TBC1D9: variants seen among roughly 807,000 people sequenced by gnomAD.
TBC1D9 encodes the protein TBC1 domain family member 9A.
Under a neutral mutation model 132.0 loss-of-function variants are expected in TBC1D9, and 63 were observed. That is an observed-to-expected ratio of 0.48 (90% CI 0.39 to 0.59). The LOEUF is 0.59. TBC1D9 is among the 20% of genes least tolerant of loss of function. The probability of loss-of-function intolerance (pLI) is 0.00; values close to 1 mark genes in which losing one functional copy is unlikely to be tolerated. For missense variants in TBC1D9, 1,261 were observed against 1,592.7 expected (o/e 0.79, Z 3.54); for synonymous variants, 610 against 609.9 (o/e 1.00, Z 0.00).
intron 2 of TBC1D9, among the ~76,000 whole-genome samples, chr4:140,692,570 G>C (rs1177942464): frequency 1.3e-5 from 2 of 151,938 alleles, no homozygotes; most frequent in Non-Finnish European, 2.9e-5. Flanking sequence ...AAAATAACAT[G>C]GTGATTTGAA....
At chr4:140,631,279 G>C (rs1736791349) in intron 16 of TBC1D9, among the ~76,000 whole-genome samples, 1 of 152,202 alleles carries the variant, frequency 6.6e-6, no homozygotes, top group African/African-American at 2.4e-5. Flanking sequence ...CTGGAGTGCA[G>C]TGGCACGATC....
chr4:140,702,323 G>T (rs974010892), intron 1 of TBC1D9, among the ~76,000 whole-genome samples: 3 of 152,186 alleles, frequency 2.0e-5, no homozygotes, highest in Admixed American at 2.0e-4. Context: ...TTCAGCAAAA[G>T]AATTTAGCAA....
intron 6 of TBC1D9, among the ~76,000 whole-genome samples, chr4:140,673,957 T>C (rs1737583597): frequency 6.6e-6 from 1 of 152,174 alleles, no homozygotes; most frequent in Non-Finnish European, 1.5e-5. Context: ...GATAGCGGCT[T>C]CCAGACCCTC....
chr4:140,706,137 G>T lies in TBC1D9; in HGVS notation c.131-4523C>A, dbSNP rs1738146989. Among the ~76,000 whole-genome samples the T allele has an allele frequency of 6.6e-6, 1 of 152,198 alleles. No individual in the cohort carries two copies. The highest frequency in any genetic ancestry group is 2.4e-5 in the African/African-American group (1 of 41,454). Reference sequence around the variant, plus strand: ...AGAAACCCCCGTCAGCCCTCTGCAGGCCGGGCTATGTCAGGAGTGTGCTGC... The same window carrying T: ...AGAAACCCCCGTCAGCCCTCTGCAGTCCGGGCTATGTCAGGAGTGTGCTGC... On this transcript the variant is annotated intron_variant, in intron 1 of 20. Coordinates refer to ENST00000442267, the MANE Select transcript of TBC1D9 (RefSeq NM_015130.3). The surrounding 1 kb of genome is among the most constrained non-coding windows in gnomAD (Gnocchi z 4.0).
In TBC1D9 at chr4:140,622,855, C is replaced by A; in HGVS notation, c.3141G>T (p.Gln1047His). ...CTGCTGCCGTGGCGTGGTACAGCTCCTGCTCATTGGGGTCTTCGCTGAACA... is the reference window on the plus strand; with the variant it reads ...CTGCTGCCGTGGCGTGGTACAGCTCATGCTCATTGGGGTCTTCGCTGAACA... ...YNMFSEDPNEQELYHATAAVT... is the reference protein window; with the variant it reads ...YNMFSEDPNEHELYHATAAVT... The change falls in exon 21 of 21, where the codon CAG (glutamine) becomes CAT (histidine). Residue 1047 changes from glutamine (Q) to histidine (H), a missense_variant. Transcript: ENST00000442267. 6.3e-7 allele frequency: 1 copy of A among 1,592,034 alleles called. No individual in the cohort carries two copies.
At chr4:140,678,916 G>A in intron 5 of TBC1D9, 26 bp downstream of exon 5, 1 of 1,607,474 alleles carries the variant, frequency 6.2e-7, no homozygotes, top group Non-Finnish European at 8.5e-7. Flanking sequence ...CTAAAGTCTG[G>A]AAGATACAAG....
chr4:140,647,974 C>T (rs140755903), intron 13 of TBC1D9, among the ~76,000 whole-genome samples: 2 of 152,202 alleles, frequency 1.3e-5, no homozygotes, highest in African/African-American at 4.8e-5. Flanking sequence ...GAATTAAATG[C>T]TAAAAATAGG....
chr4:140,657,056 A>G, intron 13 of TBC1D9, 41 bp downstream of exon 13: 1 of 1,604,474 alleles, frequency 6.2e-7, no homozygotes, highest in Non-Finnish European at 8.5e-7. Flanking sequence ...GAAGTGTCGA[A>G]TGCATGGTTA....
intron 16 of TBC1D9, among the ~76,000 whole-genome samples, chr4:140,632,408 T>C (rs1277625785): frequency 6.6e-6 from 1 of 152,160 alleles, no homozygotes; most frequent in African/African-American, 2.4e-5. Context: ...ACTGTACTTA[T>C]ATATCACTTG....
In TBC1D9 at chr4:140,624,313, C is replaced by T; in HGVS notation, c.2974+1G>A. The T allele has an allele frequency of 6.2e-7, 1 of 1,613,650 alleles. No individual in the cohort carries two copies. Among genetic ancestry groups the T allele is most frequent in the Non-Finnish European group, 8.5e-7 (1 of 1,179,746 alleles). On this transcript the variant is annotated splice_donor_variant, in intron 19 of 20. Transcript: ENST00000442267. LOFTEE classifies it high-confidence loss of function. ...AAACATATAGAAGAGAATATCCTTACCTTTGTCTGGCTTTAGGCTCACCGT... is the reference window on the plus strand; with the variant it reads ...AAACATATAGAAGAGAATATCCTTATCTTTGTCTGGCTTTAGGCTCACCGT...
intron 1 of TBC1D9, among the ~76,000 whole-genome samples, chr4:140,708,360 C>T (rs1738179064): frequency 6.6e-6 from 1 of 152,170 alleles, no homozygotes; most frequent in Admixed American, 6.5e-5. Flanking sequence ...TCAATTTCTC[C>T]AATTTCAGAA....
chr4:140,662,822 T>C (rs561410239), intron 9 of TBC1D9, among the ~76,000 whole-genome samples: 17 of 152,324 alleles, frequency 1.1e-4, no homozygotes, highest in African/African-American at 4.1e-4. Context: ...TAAATTTTAA[T>C]TACATTCCTG....
In TBC1D9 at chr4:140,624,215, C is replaced by G. The variant is rs781302004; in HGVS notation, c.2979G>C (p.Lys993Asn). 3 of 1,611,558 alleles carry G rather than the reference C, an allele frequency of 1.9e-6. No individual in the cohort carries two copies. The highest frequency in any genetic ancestry group is 2.5e-6 in the Non-Finnish European group (3 of 1,178,566). The change falls in exon 20 of 21, where the codon AAG becomes AAC. Residue 993 changes from lysine to asparagine, a missense_variant. Lys to Asn is a moderately conservative substitution (Grantham distance 94). Transcript: ENST00000442267. ...VTVSLKPDKG[K>N]RANSQENRNY... Reference sequence around the variant, plus strand: ...TACGATTTTCTTGGGAATTTGCTCTCTTCCCTACAACCCAAATGTCAAGAA... The same window carrying G: ...TACGATTTTCTTGGGAATTTGCTCTGTTCCCTACAACCCAAATGTCAAGAA...
At chr4:140,755,399 T>A (rs1344167837) in intron 1 of TBC1D9, among the ~76,000 whole-genome samples, 3 of 152,182 alleles carry the variant, frequency 2.0e-5, no homozygotes, top group Non-Finnish European at 4.4e-5. Flanking sequence ...AACAAAAAAA[T>A]TCCTGTTTCC....
At position 140,679,010 on chromosome 4, in the gene TBC1D9, T is replaced by G; in HGVS notation, c.783A>C (p.Gly261=). ...TGGGCAGGGATCGATCTTGTTCAAA[T>G]CCCTCATTGTCTAAGAGTTGCCTCA... The part of the protein sequence containing the change: ...IAMRQLLDNE[G]FEQDRSLPKL... The change falls in exon 5 of 21, where the codon GGA becomes GGC. Residue 261 remains glycine (G), a synonymous_variant. Coordinates refer to ENST00000442267, the MANE Select transcript of TBC1D9 (RefSeq NM_015130.3). The G allele has an allele frequency of 3.7e-6, 6 of 1,613,940 alleles. No homozygotes were observed. Among genetic ancestry groups the G allele is most frequent in the South Asian group, 1.1e-5 (1 of 91,086 alleles).
At chr4:140,743,510 T>C (rs1240011703) in intron 1 of TBC1D9, among the ~76,000 whole-genome samples, 1 of 152,178 alleles carries the variant, frequency 6.6e-6, no homozygotes, top group Non-Finnish European at 1.5e-5. Flanking sequence ...GTCTGCTTAC[T>C]AAGTGAAGGA....
At chr4:140,643,089 G>T in intron 13 of TBC1D9, 6 of 1,367,238 alleles carry the variant, frequency 4.4e-6, no homozygotes, top group Non-Finnish European at 5.1e-6. Flanking sequence ...GTGGGCTTCA[G>T]CTCCCGTGGG....
chr4:140,668,621 C>A (rs1737484758), intron 9 of TBC1D9, among the ~76,000 whole-genome samples: 1 of 152,202 alleles, frequency 6.6e-6, no homozygotes, highest in Non-Finnish European at 1.5e-5. Flanking sequence ...GTATTCTGTT[C>A]TTTTACTTCA....
At chr4:140,673,746 T>G (rs1020309829) in intron 6 of TBC1D9, among the ~76,000 whole-genome samples, 1 of 152,164 alleles carries the variant, frequency 6.6e-6, no homozygotes, top group Non-Finnish European at 1.5e-5. Context: ...CCCTGAAATA[T>G]AGTCATATTT....
Sources: gnomAD v4.1 joint callset for allele counts (sites outside exome capture counted in the v4.1 genomes callset) on GRCh38, gnomAD v4.1.1 for gene constraint, Gnocchi (gnomAD v3.1) non-coding constraint, MANE v1.5 for transcripts, NCBI Gene and HGNC (gene_info 2026-07-23, HGNC 2026-07-21) for gene names.